IMPG2: variants seen among roughly 807,000 people sequenced by gnomAD.
The protein encoded by IMPG2 is IPM 200.
IMPG2 carries 91 observed loss-of-function variants against 129.2 expected under a neutral mutation model. The observed-to-expected ratio is 0.70, with a 90% CI of 0.59 to 0.84. The LOEUF is 0.84. IMPG2 is among the 40% of genes least tolerant of loss of function. IMPG2 has a pLI of 0.00. For missense variants in IMPG2, 1,430 were observed against 1,461.7 expected (o/e 0.98, Z 0.35); for synonymous variants, 510 against 517.7 (o/e 0.99, Z 0.20).
intron 3 of IMPG2, among the ~76,000 whole-genome samples, chr3:101,302,217 A>C (rs924177350): frequency 5.9e-5 from 9 of 152,224 alleles, no homozygotes; most frequent in African/African-American, 2.2e-4. Context: ...CTATGCCTTC[A>C]AATATAAATT....
intron 3 of IMPG2, among the ~76,000 whole-genome samples, chr3:101,296,260 G>A (rs907320491): frequency 3.3e-5 from 5 of 152,182 alleles, no homozygotes; most frequent in African/African-American, 9.7e-5. Context: ...TTTGTTGAGA[G>A]TTTTTAGCAG....
intron 14 of IMPG2, among the ~76,000 whole-genome samples, chr3:101,240,160 C>G (rs893247995): frequency 9.2e-5 from 14 of 151,668 alleles, no homozygotes; most frequent in Non-Finnish European, 2.1e-4. Flanking sequence ...CTATGTTGCC[C>G]AGGCTAGAGT....
Position 101,304,227 on chromosome 3 carries a change from C to G in IMPG2, c.420G>C (p.Leu140Phe). 2 of 1,613,918 alleles carry G rather than the reference C, an allele frequency of 1.2e-6. No individual in the cohort carries two copies. Among genetic ancestry groups the G allele is most frequent in the Non-Finnish European group, 1.7e-6 (2 of 1,179,788 alleles). Residue 140 changes from leucine to phenylalanine, a missense_variant, in exon 3 of 19, where the codon TTG (leucine) becomes TTC (phenylalanine). Physicochemically the swap from Leu to Phe is conservative, Grantham distance 22. Coordinates refer to ENST00000193391, the MANE Select transcript of IMPG2 (RefSeq NM_016247.4). ...GREEYHYWMN[L>F]CEDGVTSIFE... ...ATATACTTGTGACTCCATCCTCACA[C>G]AAATTCATCCAGTAATGATATTCCT... is the stretch of plus-strand genomic sequence containing the variant.
At chr3:101,247,521 C>T (rs375863666) in intron 11 of IMPG2, among the ~76,000 whole-genome samples, 4 of 152,238 alleles carry the variant, frequency 2.6e-5, no homozygotes, top group East Asian at 3.9e-4. Context: ...CACTTGAACC[C>T]GGGCGGCGGA....
rs537129715 is a variant in IMPG2, at chr3:101,254,776, G to A, written c.1154-995C>T. Among the ~76,000 whole-genome samples the A allele has an allele frequency of 7.2e-5, 11 of 152,184 alleles. No homozygotes were observed. In the East Asian group the frequency reaches 1.2e-3, roughly 16 times the overall value. On this transcript the variant is annotated intron_variant, in intron 10 of 18. Coordinates refer to ENST00000193391, the MANE Select transcript of IMPG2 (RefSeq NM_016247.4). Reference sequence around the variant, plus strand: ...CCACCCAAATCTCATGTTGAATTGCGATCCCAAGCGTTGAAGGTGGGGCCT... The same window carrying A: ...CCACCCAAATCTCATGTTGAATTGCAATCCCAAGCGTTGAAGGTGGGGCCT...
In IMPG2 at chr3:101,229,426, C is replaced by A; in HGVS notation, c.3587G>T (p.Arg1196Ile). The A allele has an allele frequency of 6.2e-7, 1 of 1,610,808 alleles. No individual in the cohort carries two copies. The highest frequency in any genetic ancestry group is 8.5e-7 in the Non-Finnish European group (1 of 1,178,982). ...CTCATACATCTGTCTGATTTCTTCT[C>A]TGCTCAGCCCACCAATCACGTCTCC... ...ASGDVIGGLS[R>I]EEIRQMYESS... Residue 1196 changes from arginine (R) to isoleucine (I), a missense_variant, in exon 17 of 19, where the codon AGA (arginine) becomes ATA (isoleucine). Coordinates refer to ENST00000193391, the MANE Select transcript of IMPG2 (RefSeq NM_016247.4).
intron 2 of IMPG2, among the ~76,000 whole-genome samples, chr3:101,318,149 A>AAAT (rs138777161): frequency 0.086 from 12,340 of 144,004 alleles, 603 homozygotes; most frequent in East Asian, 0.15. Flanking sequence ...AAATAGTAAT[A>AAAT]AATAATAATA....
Position 101,320,534 on chromosome 3 carries a change from GA to G in IMPG2, c.-163del. On this transcript the variant is annotated 5_prime_UTR_variant, in exon 1 of 19. Transcript: ENST00000193391. ...CAAAACCATTATAAATTAGCGGAAAGAAAAATGGTTGTCCTTTCAAAGTAGC... is the reference window on the plus strand; with the variant it reads ...CAAAACCATTATAAATTAGCGGAAAGAAAATGGTTGTCCTTTCAAAGTAGC... The G allele has an allele frequency of 1.6e-6, 1 of 621,174 alleles. No individual in the cohort carries two copies. Among genetic ancestry groups the G allele is most frequent in the South Asian group, 1.9e-5 (1 of 52,196 alleles). The allele number at this position is 621,174 out of a possible 1,614,324, so 38.5% of individuals were successfully genotyped here.
At position 101,244,687 on chromosome 3, in the gene IMPG2, C is replaced by A. The variant is rs769168641; in HGVS notation, c.1644G>T (p.Met548Ile). The change falls in exon 13 of 19, where the codon ATG (methionine) becomes ATT (isoleucine). Residue 548 changes from methionine to isoleucine, a missense_variant. Transcript: ENST00000193391. ...ATGTTAAGGACACATCAGAGTCTTC[C>A]ATGGATGGTATTGTTTCTTTTGGCA... ...QPVPKETIPSMEDSDVSLTSS... is the reference protein window; with the variant it reads ...QPVPKETIPSIEDSDVSLTSS... 2.5e-6 allele frequency: 4 copies of A among 1,614,052 alleles called. No homozygotes were observed. The highest frequency in any genetic ancestry group is 2.5e-6 in the Non-Finnish European group (3 of 1,179,978).
intron 11 of IMPG2, among the ~76,000 whole-genome samples, 185 bp downstream of exon 11, chr3:101,253,511 T>C (rs1165124663): frequency 6.6e-6 from 1 of 152,152 alleles, no homozygotes; most frequent in Non-Finnish European, 1.5e-5. Flanking sequence ...GCAGAAGGCT[T>C]AAATTTTCTG....
rs1366557710 is a variant in IMPG2 at position 101,223,784 on chromosome 3, CAGA to C, written c.*3182_*3184del. 6.6e-6 allele frequency: 1 copy of C among 152,110 alleles called. No individual in the cohort carries two copies. Among genetic ancestry groups the C allele is most frequent in the African/African-American group, 2.4e-5 (1 of 41,404 alleles). The allele number at this position is 152,110 out of a possible 1,614,324, so 9.4% of individuals were successfully genotyped here. A position where few individuals can be genotyped will look rare whatever the true frequency, so the allele number is the denominator to read the frequency against. On this transcript the variant is annotated 3_prime_UTR_variant, in exon 19 of 19. Transcript: ENST00000193391. ...AGCCAACCCATGGTGACAGATAATG[CAGA>C]AGAAGAAAACAGAAGGTGAGAATAA... is the stretch of plus-strand genomic sequence containing the variant.
At chr3:101,312,659 C>G (rs1707280386) in intron 2 of IMPG2, among the ~76,000 whole-genome samples, 1 of 151,998 alleles carries the variant, frequency 6.6e-6, no homozygotes, top group Admixed American at 6.6e-5. Context: ...AAATTCTACT[C>G]CTAGATAAAT....
intron 7 of IMPG2, 37 bp downstream of exon 7, chr3:101,273,544 G>T (rs1706809494): frequency 1.9e-6 from 3 of 1,599,786 alleles, no homozygotes; most frequent in South Asian, 1.1e-5. Flanking sequence ...AACATAGCAG[G>T]CATACTGCCT....
At chr3:101,253,271 A>T (rs1706563843) in intron 11 of IMPG2, among the ~76,000 whole-genome samples, 1 of 152,082 alleles carries the variant, frequency 6.6e-6, no homozygotes, top group Non-Finnish European at 1.5e-5. Flanking sequence ...ACACTGTTCT[A>T]TGTGTTTTGG....
chr3:101,298,642 CT>C (rs1278673995), intron 3 of IMPG2, among the ~76,000 whole-genome samples: 1 of 152,144 alleles, frequency 6.6e-6, no homozygotes, highest in Admixed American at 6.5e-5. Context: ...GATTTTATTT[CT>C]CCTTCACTTA....
At chr3:101,230,844 T>C in intron 16 of IMPG2, 113 bp downstream of exon 16, 1 of 893,280 alleles carries the variant, frequency 1.1e-6, no homozygotes, top group Non-Finnish European at 1.8e-6. Context: ...TTCAAATTCA[T>C]AGCTCTCTTC....
intron 9 of IMPG2, among the ~76,000 whole-genome samples, chr3:101,266,784 A>G (rs1226778952): frequency 6.6e-6 from 1 of 152,136 alleles, no homozygotes; most frequent in Non-Finnish European, 1.5e-5. Flanking sequence ...CCCCTCCTGC[A>G]TGCCTCCCAT....
At chr3:101,315,856 G>T (rs1323356855) in intron 2 of IMPG2, among the ~76,000 whole-genome samples, 1 of 151,754 alleles carries the variant, frequency 6.6e-6, no homozygotes, top group Non-Finnish European at 1.5e-5. Context: ...AACAGAGGTT[G>T]GAGGACTTGA....
At chr3:101,237,857 G>C (rs1275637345) in intron 14 of IMPG2, among the ~76,000 whole-genome samples, 1 of 152,016 alleles carries the variant, frequency 6.6e-6, no homozygotes, top group East Asian at 1.9e-4. Context: ...GAACAAAACT[G>C]GATGGAGAAT....
Sources: gnomAD v4.1 joint callset for allele counts (sites outside exome capture counted in the v4.1 genomes callset) on GRCh38, gnomAD v4.1.1 for gene constraint, MANE v1.5 for transcripts, NCBI Gene and HGNC (gene_info 2026-07-23, HGNC 2026-07-21) for gene names.